RTN4RL1: variants seen among roughly 807,000 people sequenced by gnomAD.
RTN4RL1 encodes reticulon-4 receptor-like 1.
RTN4RL1 carries 7 observed loss-of-function variants against 25.6 expected under a neutral mutation model. The ratio of observed to expected loss-of-function variants is 0.27; its 90% CI spans 0.16 to 0.51. RTN4RL1 has a LOEUF of 0.51. Ranked by LOEUF, RTN4RL1 falls within the 20% of genes least tolerant of loss-of-function variation. RTN4RL1 has a pLI of 0.97. For missense variants in RTN4RL1, 500 were observed against 615.6 expected (o/e 0.81, Z 1.99); for synonymous variants, 297 against 288.2 (o/e 1.03, Z -0.31).
intron 1 of RTN4RL1, among the ~76,000 whole-genome samples, chr17:2,010,146 T>C (rs35690223): frequency 0.12 from 15,688 of 126,132 alleles, 4,594 homozygotes; most frequent in African/African-American, 0.25. Flanking sequence ...TTCAAAGCAC[T>C]TACCCCACCT....
chr17:1,968,056 CT>C (rs919885693), intron 1 of RTN4RL1, among the ~76,000 whole-genome samples: 1 of 152,164 alleles, frequency 6.6e-6, no homozygotes, highest in African/African-American at 2.4e-5. Context: ...CTGGACGTTC[CT>C]TCTCAGCCCC....
intron 1 of RTN4RL1, among the ~76,000 whole-genome samples, chr17:1,992,377 AGAAAAAC>A (rs2066913316): frequency 6.6e-6 from 1 of 151,082 alleles, no homozygotes; most frequent in Non-Finnish European, 1.5e-5. Context: ...AAAAAAAAAA[AGAAAAAC>A]GAAAAAAGAA....
intron 1 of RTN4RL1, among the ~76,000 whole-genome samples, chr17:1,996,031 C>T (rs1210051274): frequency 6.6e-6 from 1 of 152,220 alleles, no homozygotes; most frequent in African/African-American, 2.4e-5. Context: ...CTGTGACAAG[C>T]ATCCCTGGGC....
chr17:1,982,717 G>A (rs1490201850), intron 1 of RTN4RL1, among the ~76,000 whole-genome samples: 1 of 152,276 alleles, frequency 6.6e-6, no homozygotes, highest in Admixed American at 6.5e-5. Flanking sequence ...CTCCCCTCCT[G>A]CATGGAGGTG....
Position 1,993,001 on chromosome 17 carries a change from G to A in RTN4RL1, c.13+31852C>T, listed in dbSNP as rs917269396. ...CTCCCACCTGTCCTCCCAGCACTTT[G>A]GGAGGCCGAGGCAGGTGGATCGCCT... On this transcript the variant is annotated intron_variant, in intron 1 of 1. Coordinates refer to ENST00000331238, the MANE Select transcript of RTN4RL1 (RefSeq NM_178568.4). 6.4e-4 allele frequency among the ~76,000 whole-genome samples: 98 copies of A among 152,178 alleles called. 2 individuals carry two copies. The highest frequency in any genetic ancestry group is 2.6e-4 in the Non-Finnish European group (18 of 68,038).
chr17:2,010,775 T>C (rs55825547), intron 1 of RTN4RL1, among the ~76,000 whole-genome samples: 16 of 152,024 alleles, frequency 1.1e-4, no homozygotes, highest in Admixed American at 6.6e-5. Flanking sequence ...TTTGTAGAGA[T>C]GAAGTCTCAC....
At chr17:1,978,937 CAGA>C (rs777459686) in intron 1 of RTN4RL1, among the ~76,000 whole-genome samples, 5 of 152,240 alleles carry the variant, frequency 3.3e-5, no homozygotes, top group Non-Finnish European at 5.9e-5. Context: ...GCCCAGATAG[CAGA>C]AGGTGTGGCC....
intron 1 of RTN4RL1, among the ~76,000 whole-genome samples, chr17:1,967,049 G>A (rs956076886): frequency 6.6e-6 from 1 of 152,142 alleles, no homozygotes; most frequent in African/African-American, 2.4e-5. Context: ...GATTTCAGAG[G>A]CCACGCAGGA....
intron 1 of RTN4RL1, among the ~76,000 whole-genome samples, chr17:1,954,366 CCTTCCTTG>C (rs1198265404): frequency 1.3e-5 from 2 of 150,814 alleles, no homozygotes; most frequent in Non-Finnish European, 2.9e-5. Flanking sequence ...CCCTTCCCTT[CCTTCCTTG>C]CTTCCTTCCT....
At chr17:1,964,284 G>A (rs1283444641) in intron 1 of RTN4RL1, among the ~76,000 whole-genome samples, 2 of 152,140 alleles carry the variant, frequency 1.3e-5, no homozygotes, top group Admixed American at 1.3e-4. Flanking sequence ...GAATATATTT[G>A]GTTAAATATA....
chr17:1,993,631 C>T (rs2066918604), intron 1 of RTN4RL1, among the ~76,000 whole-genome samples: 1 of 152,092 alleles, frequency 6.6e-6, no homozygotes, highest in Admixed American at 6.6e-5. Flanking sequence ...TTCAATAAAG[C>T]ATCCGTTCCC....
intron 1 of RTN4RL1, among the ~76,000 whole-genome samples, chr17:1,966,738 C>T (rs763127723): frequency 1.3e-5 from 2 of 152,142 alleles, no homozygotes; most frequent in Admixed American, 1.3e-4. Flanking sequence ...TGCTTCTCTC[C>T]AGAACCGGTT....
chr17:1,999,269 A>C (rs1246393133), intron 1 of RTN4RL1, among the ~76,000 whole-genome samples: 1 of 151,896 alleles, frequency 6.6e-6, no homozygotes, highest in Non-Finnish European at 1.5e-5. Flanking sequence ...AACATGGTGA[A>C]ACCCCGTCTC....
In RTN4RL1 at chr17:2,011,080, C is replaced by T. The variant is rs1236539950; in HGVS notation, c.13+13773G>A. On this transcript the variant is annotated intron_variant, in intron 1 of 1. Transcript: ENST00000331238. The stretch of plus-strand genomic sequence containing the variant: ...CAGCCTGACCAACATGGAGAAACCC[C>T]GTCTCTACTAAAAATACAAAATTGG... Among the ~76,000 whole-genome samples the T allele has an allele frequency of 8.8e-5, 13 of 147,086 alleles. 2 individuals carry two copies. The Middle Eastern group carries it at 0.029, about 323-fold the overall frequency.
intron 1 of RTN4RL1, among the ~76,000 whole-genome samples, chr17:1,992,400 G>A (rs1481392006): frequency 6.6e-6 from 1 of 151,296 alleles, no homozygotes; most frequent in East Asian, 1.9e-4. Flanking sequence ...AAGAAAAAGA[G>A]TCCTTCTCTG....
At chr17:1,986,607 C>A (rs1423511031) in intron 1 of RTN4RL1, among the ~76,000 whole-genome samples, 1 of 152,086 alleles carries the variant, frequency 6.6e-6, no homozygotes, top group Non-Finnish European at 1.5e-5. Context: ...CACAGAGAAC[C>A]CCCACGGCCC....
intron 1 of RTN4RL1, among the ~76,000 whole-genome samples, chr17:1,955,884 T>C (rs1915783727): frequency 6.6e-6 from 1 of 152,034 alleles, no homozygotes; most frequent in African/African-American, 2.4e-5. Flanking sequence ...TATTATTGAA[T>C]TAAATAAGAC....
At chr17:1,988,771 G>T (rs2066897840) in intron 1 of RTN4RL1, among the ~76,000 whole-genome samples, 1 of 152,120 alleles carries the variant, frequency 6.6e-6, no homozygotes, top group Admixed American at 6.5e-5. Context: ...CCTTTGAGCT[G>T]GGCTCTAGAA....
At chr17:2,022,361 G>A (rs932892075) in intron 1 of RTN4RL1, among the ~76,000 whole-genome samples, 3 of 151,794 alleles carry the variant, frequency 2.0e-5, no homozygotes, top group South Asian at 2.1e-4. Flanking sequence ...TCTGTTGCCC[G>A]AGCTGGCCTC....
Sources: gnomAD v4.1 joint callset for allele counts (sites outside exome capture counted in the v4.1 genomes callset) on GRCh38, gnomAD v4.1.1 for gene constraint, MANE v1.5 for transcripts, NCBI Gene and HGNC (gene_info 2026-07-23, HGNC 2026-07-21) for gene names.